ERP44: variants seen among roughly 807,000 people sequenced by gnomAD.
ERP44 encodes the protein endoplasmic reticulum resident protein 44.
A neutral mutation model predicts 53.4 loss-of-function variants in ERP44; 25 were observed. That is an observed-to-expected ratio of 0.47 (90% CI 0.34 to 0.65). The LOEUF is 0.65. Among genes scored for constraint, ERP44 ranks in the 30% least tolerant of loss-of-function variants. The pLI, the probability that ERP44 is intolerant of heterozygous loss-of-function variation, is 0.01. For synonymous variants in ERP44, 145 were observed against 161.2 expected (o/e 0.90, Z 0.76); for missense variants, 338 against 493.2 (o/e 0.69, Z 2.98).
chr9:99,995,790 T>A (rs1830303336), intron 10 of ERP44, among the ~76,000 whole-genome samples: 1 of 152,226 alleles, frequency 6.6e-6, no homozygotes, highest in Non-Finnish European at 1.5e-5. Context: ...ACACTTGGAT[T>A]GATTCCGTAT....
intron 4 of ERP44, among the ~76,000 whole-genome samples, chr9:100,043,745 ACT>A (rs1825938577): frequency 6.6e-6 from 1 of 151,994 alleles, no homozygotes; most frequent in East Asian, 1.9e-4. Flanking sequence ...ACAGAGCAAG[ACT>A]CTGTCTCAAA....
At chr9:100,037,601 G>A (rs898828918) in intron 4 of ERP44, among the ~76,000 whole-genome samples, 2 of 152,100 alleles carry the variant, frequency 1.3e-5, no homozygotes, top group African/African-American at 2.4e-5. Context: ...TCTGCTCAAG[G>A]AGAGGAGAGG....
At chr9:99,999,083 G>C in intron 10 of ERP44, 1 of 699,056 alleles carries the variant, frequency 1.4e-6, no homozygotes, top group Non-Finnish European at 2.6e-6. Context: ...GGGAGCGCAC[G>C]GCCGTTCCCA....
In ERP44 at chr9:100,007,622, T is replaced by C; in HGVS notation, c.830A>G (p.Glu277Gly). The change falls in exon 9 of 12, where the codon GAA (glutamate) becomes GGA (glycine). Residue 277 changes from glutamate (E) to glycine (G), a missense_variant. Glu to Gly is a moderately conservative substitution (Grantham distance 98, BLOSUM62 -2). Around this residue, in one of 3 missense-constraint regions of ERP44, gnomAD observed 113 missense variants for 172.6 expected, o/e 0.65. Transcript: ENST00000262455. ...FHMKEDTESL[E>G]IFQNEVARQL... Reference sequence around the variant, plus strand: ...CCGAGCTACTTCATTCTGGAATATTTCTAAACTTTCTGTATCTTCTTTCAT... The same window carrying C: ...CCGAGCTACTTCATTCTGGAATATTCCTAAACTTTCTGTATCTTCTTTCAT... 6.2e-7 allele frequency: 1 copy of C among 1,603,172 alleles called. No individual in the cohort carries two copies. The highest frequency in any genetic ancestry group is 1.1e-5 in the South Asian group (1 of 90,816).
chr9:100,057,756 G>A, intron 3 of ERP44, 64 bp downstream of exon 3: 1 of 1,247,890 alleles, frequency 8.0e-7, no homozygotes, highest in Admixed American at 1.9e-5. Flanking sequence ...CCCCTTTCTA[G>A]CAAAGAAAAA....
chr9:100,077,100 G>C (rs572520474), intron 1 of ERP44, among the ~76,000 whole-genome samples: 87 of 152,336 alleles, frequency 5.7e-4, no homozygotes, highest in African/African-American at 2.1e-3. Context: ...TTCTATCATG[G>C]AAAGGGCAGA....
intron 1 of ERP44, among the ~76,000 whole-genome samples, chr9:100,085,506 C>A (rs1050865988): frequency 6.6e-6 from 1 of 152,166 alleles, no homozygotes. Context: ...AAACTATACC[C>A]CCATGGAAGC....
At chr9:100,097,597 ACT>A (rs1826654823) in intron 1 of ERP44, among the ~76,000 whole-genome samples, 1 of 152,344 alleles carries the variant, frequency 6.6e-6, no homozygotes, top group South Asian at 2.1e-4. Context: ...GCAATAAGAC[ACT>A]CTATCATTTA....
chr9:100,093,271 T>C (rs1422353947), intron 1 of ERP44, among the ~76,000 whole-genome samples: 1 of 152,228 alleles, frequency 6.6e-6, no homozygotes, highest in East Asian at 1.9e-4. Flanking sequence ...ATGACTGAAT[T>C]CACATATGGC....
intron 1 of ERP44, among the ~76,000 whole-genome samples, chr9:100,096,965 G>A (rs1433732916): frequency 1.3e-5 from 2 of 152,144 alleles, no homozygotes; most frequent in Non-Finnish European, 2.9e-5. Flanking sequence ...TAGCATATGA[G>A]TATTAAAACT....
In ERP44 at chr9:100,003,884, G is replaced by A. The variant is rs149926068; in HGVS notation, c.1016+2622C>T. Among the ~76,000 whole-genome samples, 522 of 152,298 alleles carry A rather than the reference G, an allele frequency of 3.4e-3. 1 individual carries two copies. The highest frequency in any genetic ancestry group is 6.8e-3 in the Middle Eastern group (2 of 294). ...GATAGTCCTGGAGCTTCCGTCCATG[G>A]AGACTGGCCTAGAACCAGGGCCTAC... On this transcript the variant is annotated intron_variant, in intron 10 of 11. Transcript: ENST00000262455.
intron 10 of ERP44, chr9:99,998,491 C>T (rs1587957626): frequency 1.4e-6 from 1 of 712,734 alleles, no homozygotes. Context: ...TCTCCACGGC[C>T]TCCCTCGGAG....
At chr9:100,027,817 A>G (rs982754359) in intron 4 of ERP44, among the ~76,000 whole-genome samples, 1 of 152,170 alleles carries the variant, frequency 6.6e-6, no homozygotes, top group Non-Finnish European at 1.5e-5. Flanking sequence ...TTTCAACAGG[A>G]AAGTCTTATT....
At chr9:100,096,583 A>G (rs2118768338) in intron 1 of ERP44, among the ~76,000 whole-genome samples, 2 of 152,198 alleles carry the variant, frequency 1.3e-5, no homozygotes, top group Middle Eastern at 3.4e-3. Flanking sequence ...TTCAACTGTT[A>G]TCTTATATGA....
intron 1 of ERP44, among the ~76,000 whole-genome samples, chr9:100,082,899 T>C (rs1458310685): frequency 6.6e-6 from 1 of 152,084 alleles, no homozygotes; most frequent in Non-Finnish European, 1.5e-5. Context: ...ATATTTCCAA[T>C]GAAACCACAA....
At position 99,998,945 on chromosome 9, in the gene ERP44, G is replaced by C. The variant is rs1038846513; in HGVS notation, c.1016+7561C>G. On this transcript the variant is annotated intron_variant, in intron 10 of 11. Transcript: ENST00000262455. The stretch of plus-strand genomic sequence containing the variant: ...TGGTCTTCTCTTCCTCCACACAGTA[G>C]GTTTCTAAAAAGTTTTTATATTCTG... 3.2e-4 allele frequency: 507 copies of C among 1,585,810 alleles called. 1 individual carries two copies. Among genetic ancestry groups the C allele is most frequent in the Non-Finnish European group, 3.6e-4 (416 of 1,156,156 alleles).
At chr9:100,092,976 C>T (rs1826578012) in intron 1 of ERP44, among the ~76,000 whole-genome samples, 1 of 151,968 alleles carries the variant, frequency 6.6e-6, no homozygotes, top group African/African-American at 2.4e-5. Flanking sequence ...ACCATATAAC[C>T]CAAAAAATAT....
intron 10 of ERP44, among the ~76,000 whole-genome samples, chr9:100,005,399 G>T (rs1407679831): frequency 6.6e-6 from 1 of 152,006 alleles, no homozygotes. Context: ...AAAAACCCTT[G>T]GTTCTTAGCA....
chr9:99,988,846 A>G (rs1198640494), intron 10 of ERP44, among the ~76,000 whole-genome samples: 1 of 152,188 alleles, frequency 6.6e-6, no homozygotes. Context: ...CGCTTTTCCA[A>G]TGATCTTAGC....
Sources: allele counts gnomAD v4.1 joint callset (sites outside exome capture counted in the v4.1 genomes callset), GRCh38; gene constraint gnomAD v4.1.1; regional missense constraint gnomAD v4.1.1; transcripts MANE v1.5; gene names NCBI Gene and HGNC (gene_info 2026-07-23, HGNC 2026-07-21).